Variants in LRP1B observed in about 807,000 individuals in gnomAD.
The protein encoded by LRP1B is low-density lipoprotein receptor-related protein 1B.
In LRP1B, 217 loss-of-function variants were observed where a neutral mutation model predicts 556.6. The observed-to-expected ratio is 0.39, with a 90% CI of 0.35 to 0.44. The LOEUF is 0.44. Ranked by LOEUF, LRP1B falls within the 20% of genes least tolerant of loss-of-function variation. The pLI, the probability that LRP1B is intolerant of heterozygous loss-of-function variation, is 1.00. For synonymous variants in LRP1B, 2,047 were observed against 1,865.8 expected, an observed-to-expected ratio of 1.10 and a Z score of -2.50; for missense variants, 5,053 against 5,620.8, an observed-to-expected ratio of 0.90 and a Z score of 3.23.
chr2:141,496,607 T>G (rs541044684), intron 2 of LRP1B, among the ~76,000 whole-genome samples: 1 of 152,214 alleles, frequency 6.6e-6, no homozygotes, highest in East Asian at 1.9e-4. Flanking sequence ...CATCTTTTTA[T>G]GAATATTAAT....
At chr2:140,755,926 AT>A (rs1023268788) in intron 35 of LRP1B, among the ~76,000 whole-genome samples, 6 of 151,948 alleles carry the variant, frequency 3.9e-5, no homozygotes, top group Non-Finnish European at 5.9e-5. Context: ...AACTTTCTCA[AT>A]TTGCAAATGA....
chr2:140,883,728 T>A, intron 25 of LRP1B, 89 bp downstream of exon 25: 1 of 795,324 alleles, frequency 1.3e-6, no homozygotes, highest in Non-Finnish European at 1.8e-6. Flanking sequence ...CCACTTTGAC[T>A]CATAATTGAT....
intron 66 of LRP1B, among the ~76,000 whole-genome samples, chr2:140,393,150 T>C (rs1282511363): frequency 6.6e-6 from 1 of 151,894 alleles, no homozygotes; most frequent in East Asian, 1.9e-4. Context: ...TTCTACATTT[T>C]TTTTTTTTTT....
chr2:141,128,906 T>C (rs777414152), intron 7 of LRP1B, among the ~76,000 whole-genome samples: 52 of 152,212 alleles, frequency 3.4e-4, no homozygotes, highest in Admixed American at 1.3e-4. Context: ...TATATCATCC[T>C]ACTAATTCTA....
chr2:141,180,434 T>C (rs1680940946), intron 7 of LRP1B, among the ~76,000 whole-genome samples: 1 of 151,932 alleles, frequency 6.6e-6, no homozygotes, highest in Admixed American at 6.6e-5. Context: ...ACTTCAAATA[T>C]GTAAGCTATT....
intron 66 of LRP1B, among the ~76,000 whole-genome samples, chr2:140,399,096 T>A (rs1488178238): frequency 6.6e-6 from 1 of 151,994 alleles, no homozygotes; most frequent in Admixed American, 6.6e-5. Flanking sequence ...TTCTTTAACA[T>A]TTCTATTTGA....
At chr2:140,894,030 A>T (rs13419406) in intron 23 of LRP1B, among the ~76,000 whole-genome samples, 79,893 of 151,992 alleles carry the variant, frequency 0.53, 22,563 homozygotes, top group Middle Eastern at 0.65. Context: ...GAGAGATACT[A>T]TTAAAATCCG....
intron 3 of LRP1B, among the ~76,000 whole-genome samples, chr2:141,425,840 G>A (rs1327016887): frequency 1.8e-4 from 28 of 151,518 alleles, no homozygotes; most frequent in East Asian, 1.8e-3. Context: ...AGATGAGTAG[G>A]TTGCAAAATT....
intron 20 of LRP1B, among the ~76,000 whole-genome samples, chr2:140,927,106 A>C: frequency 6.6e-6 from 1 of 152,310 alleles, no homozygotes; most frequent in South Asian, 2.1e-4. Context: ...AGAGTTCGAG[A>C]CCAGCCTGGC....
Position 140,285,502 on chromosome 2 carries a change from A to G in LRP1B, c.12968-10904T>C, listed in dbSNP as rs142669905. Reference sequence around the variant, plus strand: ...AGAATTCACTAAAATATTGAGAGTCACCTTGAAAAGGTCACCTGGCAGAAT... The same window carrying G: ...AGAATTCACTAAAATATTGAGAGTCGCCTTGAAAAGGTCACCTGGCAGAAT... On this transcript the variant is annotated intron_variant, in intron 84 of 90. Coordinates refer to ENST00000389484, the MANE Select transcript of LRP1B (RefSeq NM_018557.3). Among the ~76,000 whole-genome samples, 1,084 of 151,680 alleles carry G rather than the reference A, an allele frequency of 7.1e-3. 7 individuals are homozygous for G. Among genetic ancestry groups the G allele is most frequent in the Non-Finnish European group, 0.011 (763 of 67,732 alleles).
chr2:141,155,478 T>G (rs1702043886), intron 7 of LRP1B, among the ~76,000 whole-genome samples: 1 of 54,968 alleles, frequency 1.8e-5, no homozygotes, highest in Non-Finnish European at 8.0e-5. Flanking sequence ...TTTTTTCTTT[T>G]TATTATTATT....
chr2:140,575,339 T>C (rs928214504), intron 43 of LRP1B, among the ~76,000 whole-genome samples: 15 of 152,194 alleles, frequency 9.9e-5, no homozygotes, highest in Non-Finnish European at 2.2e-4. Context: ...TTGGCAGAAA[T>C]AAGGTCTAAT....
chr2:141,808,751 T>TC (rs1696243142), intron 2 of LRP1B, among the ~76,000 whole-genome samples: 1 of 152,070 alleles, frequency 6.6e-6, no homozygotes, highest in African/African-American at 2.4e-5. Context: ...CTTGCCTGTG[T>TC]CCCACCCTAC....
At chr2:140,520,754 C>A (rs1574034207) in intron 49 of LRP1B, among the ~76,000 whole-genome samples, 2 of 80,500 alleles carry the variant, frequency 2.5e-5, no homozygotes, top group Non-Finnish European at 2.5e-5. Context: ...CAAGAATACT[C>A]AACAAAACCC....
At chr2:140,733,183 G>A (rs577499934) in intron 35 of LRP1B, among the ~76,000 whole-genome samples, 9 of 152,244 alleles carry the variant, frequency 5.9e-5, no homozygotes, top group African/African-American at 2.2e-4. Context: ...TGACTGAGTA[G>A]ACCTGCAATC....
intron 1 of LRP1B, among the ~76,000 whole-genome samples, chr2:141,998,276 C>T (rs1309875637): frequency 6.6e-6 from 1 of 151,806 alleles, no homozygotes; most frequent in Non-Finnish European, 1.5e-5. Flanking sequence ...TCTAACACAC[C>T]CAGATTCTCT....
intron 23 of LRP1B, chr2:140,899,145 A>C (rs1458300259): frequency 5.0e-6 from 1 of 199,582 alleles, no homozygotes; most frequent in African/African-American, 2.4e-5. Flanking sequence ...ACCTTGCAGC[A>C]TACTGACTTG....
intron 76 of LRP1B, among the ~76,000 whole-genome samples, chr2:140,352,471 G>C (rs1682009889): frequency 6.6e-6 from 1 of 152,148 alleles, no homozygotes; most frequent in South Asian, 2.1e-4. Flanking sequence ...ACTGCACCAG[G>C]CCTATCATTT....
intron 83 of LRP1B, among the ~76,000 whole-genome samples, chr2:140,310,604 G>A (rs1684257269): frequency 6.6e-6 from 1 of 151,640 alleles, no homozygotes; most frequent in African/African-American, 2.4e-5. Context: ...CATGCTTATG[G>A]CCAACTGATC....
Sources: gnomAD v4.1 joint callset for allele counts (sites outside exome capture counted in the v4.1 genomes callset) on GRCh38, gnomAD v4.1.1 for gene constraint, MANE v1.5 for transcripts, NCBI Gene and HGNC (gene_info 2026-07-23, HGNC 2026-07-21) for gene names.